Variants in IKZF1 observed in about 807,000 individuals in gnomAD.
IKZF1 encodes the protein IKAROS family zinc finger 1.
IKZF1 carries 10 observed loss-of-function variants against 51.7 expected under a neutral mutation model. The observed-to-expected ratio is 0.19, with a 90% CI of 0.12 to 0.33. IKZF1 has a LOEUF of 0.33. Ranked by LOEUF, IKZF1 falls within the 10% of genes least tolerant of loss-of-function variation. IKZF1 has a pLI of 1.00. For missense variants in IKZF1, 484 were observed against 707.5 expected (o/e 0.68, Z 3.58); for synonymous variants, 280 against 282.3 (o/e 0.99, Z 0.08).
At chr7:50,373,867 G>C (rs973366881) in intron 3 of IKZF1, among the ~76,000 whole-genome samples, 1 of 152,146 alleles carries the variant, frequency 6.6e-6, no homozygotes, top group Non-Finnish European at 1.5e-5. Flanking sequence ...AGCCTCACTT[G>C]CCTGCCTATC....
chr7:50,336,024 A>G (rs2153406381), intron 3 of IKZF1, among the ~76,000 whole-genome samples: 1 of 152,114 alleles, frequency 6.6e-6, no homozygotes, highest in East Asian at 1.9e-4. Flanking sequence ...TGATATCATC[A>G]TCATCTGCAT....
At chr7:50,333,767 T>G (rs976463890) in intron 3 of IKZF1, among the ~76,000 whole-genome samples, 35 of 152,194 alleles carry the variant, frequency 2.3e-4, no homozygotes, top group African/African-American at 7.7e-4. Flanking sequence ...TTAGTTCCTT[T>G]CCCCCTTCAT....
chr7:50,377,158 C>A (rs1170987303), intron 4 of IKZF1: 13 of 204,322 alleles, frequency 6.4e-5, no homozygotes, highest in Middle Eastern at 1.9e-3. Context: ...AATCCTGATA[C>A]ACCAAAACTT....
chr7:50,345,785 C>T (rs909168534), intron 3 of IKZF1, among the ~76,000 whole-genome samples: 1 of 152,216 alleles, frequency 6.6e-6, no homozygotes, highest in Non-Finnish European at 1.5e-5. Context: ...CGCCTGTAAT[C>T]CCAGCACTTT....
intron 7 of IKZF1, among the ~76,000 whole-genome samples, chr7:50,393,384 G>C (rs1283218728): frequency 6.6e-6 from 1 of 152,166 alleles, no homozygotes; most frequent in East Asian, 1.9e-4. Context: ...AACAGGGGCT[G>C]GTGAGGCCAA....
At chr7:50,355,699 A>G (rs1040952016) in intron 3 of IKZF1, among the ~76,000 whole-genome samples, 2 of 152,238 alleles carry the variant, frequency 1.3e-5, no homozygotes, top group African/African-American at 4.8e-5. Context: ...TTTTAATTCC[A>G]ACAGATATTC....
intron 4 of IKZF1, among the ~76,000 whole-genome samples, chr7:50,379,428 T>C (rs1003294956): frequency 1.3e-5 from 2 of 152,212 alleles, no homozygotes; most frequent in African/African-American, 4.8e-5. Context: ...CGCCATTTTC[T>C]AATCAGCTCA....
intron 3 of IKZF1, among the ~76,000 whole-genome samples, chr7:50,366,271 A>G (rs1402679079): frequency 2.9e-4 from 44 of 152,212 alleles, no homozygotes. Flanking sequence ...TTAAAAAAAA[A>G]TTAATGTCTA....
chr7:50,313,622 GC>G (rs1790738091), intron 1 of IKZF1, among the ~76,000 whole-genome samples: 3 of 152,228 alleles, frequency 2.0e-5, no homozygotes, highest in Non-Finnish European at 4.4e-5. Context: ...CCATCAGACT[GC>G]ACGGGTTCAA....
chr7:50,356,925 C>T (rs554584429), intron 3 of IKZF1, among the ~76,000 whole-genome samples: 2 of 151,390 alleles, frequency 1.3e-5, no homozygotes, highest in African/African-American at 4.9e-5. Context: ...GCAGAAGGCC[C>T]GACTGTCCGG....
chr7:50,344,456 T>G (rs1284915229), intron 3 of IKZF1, among the ~76,000 whole-genome samples: 1 of 152,226 alleles, frequency 6.6e-6, no homozygotes, highest in African/African-American at 2.4e-5. Context: ...ACAGGGCAAG[T>G]CATCCACATT....
intron 7 of IKZF1, chr7:50,393,773 C>T (rs1815899476): frequency 8.6e-6 from 2 of 232,668 alleles, no homozygotes; most frequent in Non-Finnish European, 8.5e-6. Flanking sequence ...GAGCAGCCAG[C>T]ATCTGCCTGG....
chr7:50,339,221 G>GTA (rs1798497024), intron 3 of IKZF1, among the ~76,000 whole-genome samples: 1 of 143,704 alleles, frequency 7.0e-6, no homozygotes, highest in East Asian at 2.0e-4. Flanking sequence ...AGGGTTGTGT[G>GTA]TGTGTGTGTG....
intron 3 of IKZF1, among the ~76,000 whole-genome samples, chr7:50,358,916 C>T (rs1804371800): frequency 6.6e-6 from 1 of 152,020 alleles, no homozygotes; most frequent in Non-Finnish European, 1.5e-5. Flanking sequence ...AAAGTAGCCA[C>T]ATCTCCTTCC....
intron 7 of IKZF1, among the ~76,000 whole-genome samples, chr7:50,394,851 A>G (rs1180664122): frequency 6.6e-6 from 1 of 152,220 alleles, no homozygotes; most frequent in East Asian, 1.9e-4. Context: ...GAGACCATCA[A>G]ATACAGGTCA....
At chr7:50,309,882 C>CTGAGG (rs1451159231) in intron 1 of IKZF1, among the ~76,000 whole-genome samples, 2 of 152,126 alleles carry the variant, frequency 1.3e-5, no homozygotes, top group Admixed American at 1.3e-4. Context: ...AAGCTTACTT[C>CTGAGG]TGAGGCACTC....
chr7:50,316,518 G>T (rs35487792), intron 1 of IKZF1, among the ~76,000 whole-genome samples: 3,671 of 152,324 alleles, frequency 0.024, 64 homozygotes, highest in East Asian at 0.041. Context: ...GACAATAGAC[G>T]CGCTCCAGGA....
At chr7:50,393,857 G>T (rs1432091907) in intron 7 of IKZF1, 2 of 232,874 alleles carry the variant, frequency 8.6e-6, no homozygotes, top group African/African-American at 2.2e-5. Context: ...GTGTGCAAGG[G>T]GAGTGAAGGG....
intron 4 of IKZF1, among the ~76,000 whole-genome samples, chr7:50,378,641 A>G (rs1392298721): frequency 2.6e-5 from 4 of 152,260 alleles, no homozygotes; most frequent in African/African-American, 9.6e-5. Context: ...ATTACATTTA[A>G]TGAATAAACC....
Sources: allele counts gnomAD v4.1 joint callset (sites outside exome capture counted in the v4.1 genomes callset), GRCh38; gene constraint gnomAD v4.1.1; transcripts MANE v1.5; gene names NCBI Gene and HGNC (gene_info 2026-07-23, HGNC 2026-07-21).